Variants in PDE1C observed in about 807,000 individuals in gnomAD.
The protein encoded by PDE1C is phosphodiesterase 1C.
A neutral mutation model predicts 93.1 loss-of-function variants in PDE1C; 62 were observed. That is an observed-to-expected ratio of 0.67 (90% CI 0.54 to 0.82). PDE1C has a LOEUF of 0.82. PDE1C is among the 40% of genes least tolerant of loss of function. The pLI is 0.00. For missense variants in PDE1C, 742 were observed against 884.6 expected (o/e 0.84, Z 2.04); for synonymous variants, 325 against 310.1 (o/e 1.05, Z -0.50).
At chr7:32,263,569 A>G (rs1169778398) in intron 1 of PDE1C, among the ~76,000 whole-genome samples, 2 of 151,904 alleles carry the variant, frequency 1.3e-5, no homozygotes, top group Non-Finnish European at 2.9e-5. Flanking sequence ...TCCCATACAC[A>G]CTCCAGTTTT....
intron 7 of PDE1C, among the ~76,000 whole-genome samples, chr7:31,863,081 CTATA>C (rs1794869604): frequency 6.6e-6 from 1 of 152,136 alleles, no homozygotes; most frequent in Admixed American, 6.6e-5. Context: ...AAACTGACAT[CTATA>C]TAGTACTGAG....
At chr7:32,050,576 A>G (rs1002747765) in intron 2 of PDE1C, among the ~76,000 whole-genome samples, 1 of 151,244 alleles carries the variant, frequency 6.6e-6, no homozygotes, top group African/African-American at 2.4e-5. Flanking sequence ...ATGTGTATGT[A>G]TATATATATA....
intron 1 of PDE1C, among the ~76,000 whole-genome samples, chr7:32,387,510 C>A (rs1159394114): frequency 6.7e-6 from 1 of 149,364 alleles, no homozygotes; most frequent in Non-Finnish European, 1.5e-5. Flanking sequence ...GGGGCTGACC[C>A]CCCCACCTCC....
intron 9 of PDE1C, among the ~76,000 whole-genome samples, chr7:31,841,961 C>G (rs1003235486): frequency 1.3e-5 from 2 of 152,076 alleles, no homozygotes; most frequent in Admixed American, 6.6e-5. Flanking sequence ...GGTGGTCAGC[C>G]TTTTTGTTCT....
intron 4 of PDE1C, among the ~76,000 whole-genome samples, chr7:31,878,290 T>A (rs1006714487): frequency 2.0e-5 from 3 of 152,136 alleles, no homozygotes; most frequent in African/African-American, 4.8e-5. Context: ...AGACTGGAAA[T>A]TGAATTATTA....
intron 16 of PDE1C, among the ~76,000 whole-genome samples, chr7:31,793,549 T>G (rs1488851237): frequency 6.6e-6 from 1 of 151,888 alleles, no homozygotes; most frequent in Admixed American, 6.6e-5. Context: ...AGCAAAGTGA[T>G]ACAGCACACA....
At chr7:31,760,122 T>C (rs888861817) in intron 17 of PDE1C, among the ~76,000 whole-genome samples, 5 of 152,164 alleles carry the variant, frequency 3.3e-5, no homozygotes, top group Admixed American at 3.3e-4. Flanking sequence ...CTCAATCAAA[T>C]TTAACTGAGT....
Position 31,868,193 on chromosome 7 carries a change from C to T in PDE1C, c.610-3111G>A, listed in dbSNP as rs537983272. On this transcript the variant is annotated intron_variant, in intron 6 of 17. Coordinates refer to ENST00000396191, the MANE Select transcript of PDE1C (RefSeq NM_001191057.4). ...GATTGACTAATTACCCAGCAAGAGA[C>T]CCCAATCAAAATGAAATTTACGAAG... Among the ~76,000 whole-genome samples the T allele has an allele frequency of 1.4e-4, 22 of 152,164 alleles. No individual in the cohort carries two copies. In the East Asian group the frequency reaches 1.5e-3, roughly 11 times the overall value.
chr7:31,911,922 T>A (rs1361233428), intron 2 of PDE1C, among the ~76,000 whole-genome samples: 1 of 152,220 alleles, frequency 6.6e-6, no homozygotes, highest in East Asian at 1.9e-4. Flanking sequence ...GAGTTCACTC[T>A]CCCATTGCCC....
intron 1 of PDE1C, among the ~76,000 whole-genome samples, chr7:32,063,416 A>G (rs973796338): frequency 2.6e-5 from 4 of 152,372 alleles, no homozygotes; most frequent in African/African-American, 9.6e-5. Flanking sequence ...AAAGAAAATT[A>G]AAGATTGAAA....
At chr7:32,309,313 G>A (rs1276165602) in intron 1 of PDE1C, among the ~76,000 whole-genome samples, 1 of 152,176 alleles carries the variant, frequency 6.6e-6, no homozygotes, top group African/African-American at 2.4e-5. Context: ...GAACCAAGTT[G>A]GAAAACACTC....
At chr7:31,732,636 T>TTGTGTGTGTGTG in the PDE1C span, among the ~76,000 whole-genome samples, 492 of 103,178 alleles carry the variant, frequency 4.8e-3, 11 homozygotes, top group East Asian at 0.014. Flanking sequence ...TCTCCTCTCT[T>TTGTGTGTGTGTG]TCTGTGTGTG....
At chr7:32,125,368 GTA>G (rs1799519178) in intron 3 of PDE1C, among the ~76,000 whole-genome samples, 1 of 152,124 alleles carries the variant, frequency 6.6e-6, no homozygotes, top group Non-Finnish European at 1.5e-5. Flanking sequence ...CCATTACTGG[GTA>G]TATACCCAAA....
chr7:31,794,055 GACA>G (rs1784942863), intron 16 of PDE1C, among the ~76,000 whole-genome samples: 1 of 145,834 alleles, frequency 6.9e-6, no homozygotes. Flanking sequence ...CAGACAGACA[GACA>G]GACAGACAGA....
At chr7:32,255,480 A>T (rs187061916) in intron 1 of PDE1C, among the ~76,000 whole-genome samples, 2 of 152,352 alleles carry the variant, frequency 1.3e-5, no homozygotes, top group Admixed American at 6.5e-5. Context: ...CCATAGTTTT[A>T]CATTGGGCAC....
At chr7:31,875,837 T>TATATATATAA (rs1796518846) in intron 5 of PDE1C, among the ~76,000 whole-genome samples, 1 of 39,538 alleles carries the variant, frequency 2.5e-5, no homozygotes, top group East Asian at 6.6e-4. Flanking sequence ...ATATATATAA[T>TATATATATAA]GGAAAAAGTA....
intron 2 of PDE1C, among the ~76,000 whole-genome samples, chr7:32,009,650 G>A (rs1786804822): frequency 6.6e-6 from 1 of 152,172 alleles, no homozygotes; most frequent in Non-Finnish European, 1.5e-5. Context: ...TCCTCTTACT[G>A]CTAATATTCA....
intron 3 of PDE1C, among the ~76,000 whole-genome samples, chr7:32,125,276 T>C (rs1799514420): frequency 1.3e-5 from 2 of 152,212 alleles, no homozygotes; most frequent in African/African-American, 4.8e-5. Flanking sequence ...GGTGGGAATG[T>C]AAATTAGTTC....
intron 1 of PDE1C, among the ~76,000 whole-genome samples, chr7:32,380,984 G>T (rs891941766): frequency 6.6e-6 from 1 of 151,838 alleles, no homozygotes; most frequent in Non-Finnish European, 1.5e-5. Context: ...ACCTCAGTTC[G>T]ATGTCTCAAG....
Sources: gnomAD v4.1 joint callset for allele counts (sites outside exome capture counted in the v4.1 genomes callset) on GRCh38, gnomAD v4.1.1 for gene constraint, MANE v1.5 for transcripts, NCBI Gene and HGNC (gene_info 2026-07-23, HGNC 2026-07-21) for gene names.